Variants in ZDHHC20 observed in about 807,000 individuals in gnomAD.
ZDHHC20 encodes the protein palmitoyltransferase ZDHHC20.
A neutral mutation model predicts 57.8 loss-of-function variants in ZDHHC20; 43 were observed. That is an observed-to-expected ratio of 0.74 (90% CI 0.58 to 0.96). The LOEUF (loss-of-function observed/expected upper bound fraction) is 0.96. Ranked by LOEUF, ZDHHC20 falls within the 40% of genes least tolerant of loss-of-function variation. The pLI is 0.00. For synonymous variants in ZDHHC20, 157 were observed against 153.0 expected (o/e 1.03, Z -0.19); for missense variants, 391 against 441.1 (o/e 0.89, Z 1.02).
chr13:21,448,645 C>T lies in ZDHHC20; in HGVS notation c.118+10409G>A, dbSNP rs1236317429. ...GCCGCCCCGTCCGGGAGGTGAGGGG[C>T]GCCTCTGCCCGGCTGCCCCTACTGG... On this transcript the variant is annotated intron_variant, in intron 1 of 12. Coordinates refer to ENST00000400590, the MANE Select transcript of ZDHHC20 (RefSeq NM_001330059.2). Among the ~76,000 whole-genome samples the T allele has an allele frequency of 2.1e-4, 21 of 98,230 alleles. 2 individuals are homozygous for T. The highest frequency in any genetic ancestry group is 6.2e-4 in the African/African-American group (20 of 32,136). The allele number at this position is 98,230 out of a possible 152,430, so 64.4% of individuals were successfully genotyped here.
intron 1 of ZDHHC20, among the ~76,000 whole-genome samples, chr13:21,431,326 T>A (rs947040506): frequency 2.0e-5 from 3 of 152,164 alleles, no homozygotes; most frequent in Non-Finnish European, 4.4e-5. Context: ...CTCTTGAGAC[T>A]CATTCACTAC....
chr13:21,448,701 C>A (rs1307440241), intron 1 of ZDHHC20, among the ~76,000 whole-genome samples: 1 of 99,594 alleles, frequency 1.0e-5, no homozygotes, highest in East Asian at 2.2e-4. Context: ...CCGGCCACCA[C>A]CCCGTCTGGG....
intron 7 of ZDHHC20, among the ~76,000 whole-genome samples, chr13:21,393,634 G>A (rs532069121): frequency 1.5e-4 from 22 of 146,940 alleles, no homozygotes; most frequent in Non-Finnish European, 2.5e-4. Context: ...AACCCAGAAG[G>A]TGGAGGTTGC....
At chr13:21,428,990 A>G (rs1056335271) in intron 1 of ZDHHC20, among the ~76,000 whole-genome samples, 1 of 152,220 alleles carries the variant, frequency 6.6e-6, no homozygotes, top group African/African-American at 2.4e-5. Flanking sequence ...CAATCTTGTC[A>G]ATGACACTAA....
chr13:21,409,763 G>C (rs1264182506), intron 4 of ZDHHC20, among the ~76,000 whole-genome samples: 1 of 152,072 alleles, frequency 6.6e-6, no homozygotes, highest in Non-Finnish European at 1.5e-5. Context: ...CTCTAAACTG[G>C]TTATTCCAGT....
chr13:21,414,804 ACATC>A (rs1879750573), intron 3 of ZDHHC20, among the ~76,000 whole-genome samples: 1 of 151,758 alleles, frequency 6.6e-6, no homozygotes, highest in Admixed American at 6.6e-5. Context: ...TGTCATCCTA[ACATC>A]TCAAGGATCC....
At chr13:21,411,868 CT>C (rs1879261823) in intron 4 of ZDHHC20, among the ~76,000 whole-genome samples, 1 of 152,200 alleles carries the variant, frequency 6.6e-6, no homozygotes, top group Non-Finnish European at 1.5e-5. Flanking sequence ...ACGAGGCAGA[CT>C]TTTGGCCCCT....
At position 21,389,345 on chromosome 13, in the gene ZDHHC20, A is replaced by C. The variant is rs1263702631; in HGVS notation, c.728-1711T>G. On this transcript the variant is annotated intron_variant, in intron 8 of 12. Coordinates refer to ENST00000400590, the MANE Select transcript of ZDHHC20 (RefSeq NM_001330059.2). ...GGTGTGCTAAGCAATGTTTTTTCAA[A>C]GTGTGGGTTAAAACACCTTAACAGA... 2.0e-5 allele frequency among the ~76,000 whole-genome samples: 3 copies of C among 152,332 alleles called. No individual in the cohort carries two copies. In the East Asian group the frequency reaches 5.8e-4, roughly 29 times the overall value.
chr13:21,442,244 T>C (rs2138012452), intron 1 of ZDHHC20, among the ~76,000 whole-genome samples: 1 of 152,346 alleles, frequency 6.6e-6, no homozygotes, highest in South Asian at 2.1e-4. Flanking sequence ...CCTCCAATCC[T>C]TTTACCTTTC....
At chr13:21,448,909 T>G (rs1884150976) in intron 1 of ZDHHC20, among the ~76,000 whole-genome samples, 1 of 95,934 alleles carries the variant, frequency 1.0e-5, no homozygotes, top group African/African-American at 3.5e-5. Context: ...TGTTGATCTG[T>G]GACCTTACCC....
chr13:21,380,194 C>A (rs191859771), intron 11 of ZDHHC20, among the ~76,000 whole-genome samples: 1,732 of 150,536 alleles, frequency 0.012, 14 homozygotes, highest in South Asian at 0.019. Flanking sequence ...CGGCTCACTG[C>A]AACCTCCGCC....
intron 1 of ZDHHC20, among the ~76,000 whole-genome samples, chr13:21,442,988 C>T (rs1445581881): frequency 1.3e-5 from 2 of 152,068 alleles, no homozygotes; most frequent in East Asian, 3.9e-4. Context: ...AGCAAGAAAC[C>T]CTCTGGGGCA....
intron 2 of ZDHHC20, among the ~76,000 whole-genome samples, chr13:21,423,988 A>G (rs1164080830): frequency 6.6e-6 from 1 of 152,106 alleles, no homozygotes. Flanking sequence ...ATAGTTTTAA[A>G]AACATTTAAT....
intron 4 of ZDHHC20, among the ~76,000 whole-genome samples, chr13:21,413,293 AT>A (rs1004043113): frequency 3.3e-5 from 5 of 151,400 alleles, no homozygotes; most frequent in Non-Finnish European, 7.4e-5. Context: ...ACACTTTTGG[AT>A]TTTTTTTTAA....
intron 1 of ZDHHC20, among the ~76,000 whole-genome samples, chr13:21,437,792 C>A (rs55757092): frequency 6.6e-6 from 1 of 151,988 alleles, no homozygotes; most frequent in Non-Finnish European, 1.5e-5. Flanking sequence ...CCCGGGTTCA[C>A]GCCATTCTCC....
At chr13:21,403,571 T>C (rs1007243944) in intron 4 of ZDHHC20, among the ~76,000 whole-genome samples, 3 of 152,170 alleles carry the variant, frequency 2.0e-5, no homozygotes, top group African/African-American at 7.2e-5. Flanking sequence ...ATAATATAGA[T>C]AGCAGGGAAG....
intron 1 of ZDHHC20, among the ~76,000 whole-genome samples, chr13:21,430,927 A>C (rs566812579): frequency 6.6e-6 from 1 of 152,194 alleles, no homozygotes; most frequent in Non-Finnish European, 1.5e-5. Context: ...AAAAGGAAGA[A>C]GTCTCTATTT....
intron 10 of ZDHHC20, 35 bp from the exon 11 acceptor site, chr13:21,381,584 T>A: frequency 2.1e-6 from 3 of 1,415,624 alleles, no homozygotes; most frequent in Non-Finnish European, 3.0e-6. Flanking sequence ...GTAAACAGCT[T>A]AATGCTCAAC....
intron 1 of ZDHHC20, among the ~76,000 whole-genome samples, chr13:21,448,253 C>T (rs1291626713): frequency 6.1e-5 from 4 of 65,062 alleles, no homozygotes; most frequent in East Asian, 2.9e-4. Flanking sequence ...CGCCTCTGCC[C>T]GGCCGCCCCT....
Sources: allele counts gnomAD v4.1 joint callset (sites outside exome capture counted in the v4.1 genomes callset), GRCh38; gene constraint gnomAD v4.1.1; transcripts MANE v1.5; gene names NCBI Gene and HGNC (gene_info 2026-07-23, HGNC 2026-07-21).